Variants in CCDC180 observed in about 807,000 individuals in gnomAD.
CCDC180 encodes the protein coiled-coil domain-containing protein 180.
In CCDC180, 154 loss-of-function variants were observed where a neutral mutation model predicts 209.2. The ratio of observed to expected loss-of-function variants is 0.74; its 90% confidence interval spans 0.65 to 0.84. The LOEUF (loss-of-function observed/expected upper bound fraction) is 0.84, where lower values mean the gene tolerates loss of function less well. Among genes scored for constraint, CCDC180 ranks in the 40% least tolerant of loss-of-function variants. The pLI is 0.00. For synonymous variants in CCDC180, 778 were observed against 749.1 expected, an observed-to-expected ratio of 1.04 and a Z score of -0.63; for missense variants, 1,874 against 1,997.3, an observed-to-expected ratio of 0.94 and a Z score of 1.18.
intron 18 of CCDC180, among the ~76,000 whole-genome samples, chr9:97,340,469 G>T (rs1435623243): frequency 1.3e-5 from 2 of 152,170 alleles, no homozygotes; most frequent in Admixed American, 6.5e-5. Flanking sequence ...GCCAGATATG[G>T]ATCTTAGATA....
chr9:97,317,488 A>G (rs1239219018), intron 9 of CCDC180, among the ~76,000 whole-genome samples: 1 of 152,192 alleles, frequency 6.6e-6, no homozygotes, highest in Non-Finnish European at 1.5e-5. Flanking sequence ...ATGCAGTTTC[A>G]TATTTTATTC....
intron 22 of CCDC180, among the ~76,000 whole-genome samples, chr9:97,352,251 G>A (rs1386728158): frequency 3.3e-5 from 5 of 152,214 alleles, no homozygotes; most frequent in Non-Finnish European, 7.3e-5. Flanking sequence ...GGTGGTTGAA[G>A]CTTAAATAGC....
chr9:97,320,279 CA>C, intron 11 of CCDC180, 74 bp downstream of exon 11: 4 of 1,346,258 alleles, frequency 3.0e-6, no homozygotes, highest in Non-Finnish European at 4.3e-6. Flanking sequence ...GAAGCTCAGC[CA>C]AATGAGTGGC....
chr9:97,330,440 A>G lies in CCDC180; in HGVS notation c.1947A>G (p.Ser649=). The G allele has an allele frequency of 6.2e-7, 1 of 1,614,222 alleles. No individual in the cohort carries two copies. Among genetic ancestry groups the G allele is most frequent in the Non-Finnish European group, 8.5e-7 (1 of 1,180,040 alleles). Residue 649 remains serine, a synonymous_variant, in exon 18 of 37, where the codon TCA becomes TCG. Coordinates refer to ENST00000529487, the MANE Select transcript of CCDC180 (RefSeq NM_020893.6). ...SISSGTSTAR[S]VEEVEEENDQ... ...GTAGTGGGACAAGTACTGCCAGGTCAGTAGAAGAGGTGGAAGAAGAAAACG... is the reference window on the plus strand; with the variant it reads ...GTAGTGGGACAAGTACTGCCAGGTCGGTAGAAGAGGTGGAAGAAGAAAACG...
intron 34 of CCDC180, chr9:97,372,243 A>C (rs1050030317): frequency 6.6e-6 from 1 of 152,314 alleles, no homozygotes; most frequent in African/African-American, 2.4e-5. Flanking sequence ...ATGAAAAATG[A>C]AAATCTAAGC....
chr9:97,320,178 T>C lies in CCDC180; in HGVS notation c.1132T>C (p.Ser378Pro), dbSNP rs1237363115. The part of the protein sequence containing the change: ...SKTQLTEWHS[S>P]LNSLNKELDT... ...AACTCAGCTGACTGAGTGGCATTCT[T>C]CCCTCAACTCCCTGAACAAGGAGCT... Residue 378 changes from serine to proline, a missense_variant, in exon 11 of 37, where the codon TCC (serine) becomes CCC (proline). Ser to Pro is a moderately conservative substitution (Grantham distance 74). Coordinates refer to ENST00000529487, the MANE Select transcript of CCDC180 (RefSeq NM_020893.6). The C allele has an allele frequency of 1.9e-6, 3 of 1,614,038 alleles. 1 individual carries two copies. In the African/African-American group the frequency reaches 4.0e-5, roughly 22 times the overall value.
rs77093783 is a variant in CCDC180 at position 97,362,576 on chromosome 9, G to A, written c.3902+135G>A. ...TCATGGCTCTGGGACTCCACGGGGC[G>A]CAGTGAGGGGTGAGCGCCATCCTTA... On this transcript the variant is annotated intron_variant, in intron 28 of 36. Transcript: ENST00000529487. 821 of 1,287,684 alleles carry A rather than the reference G, an allele frequency of 6.4e-4. 3 individuals carry two copies. In the African/African-American group the frequency reaches 9.5e-3, roughly 15 times the overall value. The allele number at this position is 1,287,684 out of a possible 1,614,324, so 79.8% of individuals were successfully genotyped here. A position where few individuals can be genotyped will look rare whatever the true frequency, so the allele number is the denominator to read the frequency against.
rs771082608 is a variant in CCDC180, at chr9:97,314,910, G to A, written c.759G>A (p.Arg253=). 3 of 1,614,002 alleles carry A rather than the reference G, an allele frequency of 1.9e-6. No homozygotes were observed. The highest frequency in any genetic ancestry group is 2.5e-6 in the Non-Finnish European group (3 of 1,179,988). The change falls in exon 8 of 37, where the codon CGG becomes CGA. Residue 253 remains arginine (R), a synonymous_variant. Coordinates refer to ENST00000529487, the MANE Select transcript of CCDC180 (RefSeq NM_020893.6). ...TAGAGAAAACTTCCTACCTCATGCG[G>A]CCCGAAGTGTACAGGCTGATAAATG... ...EVIEKTSYLM[R]PEVYRLINEE...
chr9:97,369,240 A>T (rs577551668), intron 31 of CCDC180: 2 of 152,308 alleles, frequency 1.3e-5, no homozygotes, highest in Admixed American at 1.3e-4. Flanking sequence ...ATGAAAGAGC[A>T]GGTCTAACAT....
At chr9:97,371,952 A>G (rs1346504003) in intron 34 of CCDC180, 9 of 299,478 alleles carry the variant, frequency 3.0e-5, no homozygotes, top group Non-Finnish European at 4.9e-5. Context: ...GGTTAGGGAT[A>G]CCTTTTCTAA....
At chr9:97,356,828 G>A (rs1003004706) in intron 24 of CCDC180, among the ~76,000 whole-genome samples, 1 of 152,230 alleles carries the variant, frequency 6.6e-6, no homozygotes, top group African/African-American at 2.4e-5. Context: ...AAAACAGAGA[G>A]TAAACCATAA....
chr9:97,308,447 G>A lies in CCDC180; in HGVS notation c.69+315G>A, dbSNP rs537321285. Reference sequence around the variant, plus strand: ...GACTAATTTTTGTATTTAAAAAATAGGTTTCATTCTGTACTAGTGTTTTGA... The same window carrying A: ...GACTAATTTTTGTATTTAAAAAATAAGTTTCATTCTGTACTAGTGTTTTGA... On this transcript the variant is annotated intron_variant, in intron 2 of 36. Transcript: ENST00000529487. 4.4e-4 allele frequency among the ~76,000 whole-genome samples: 67 copies of A among 152,214 alleles called. No homozygotes were observed. The South Asian group carries it at 0.013, about 31-fold the overall frequency.
At chr9:97,336,113 T>A (rs1245266747) in intron 18 of CCDC180, among the ~76,000 whole-genome samples, 1 of 152,238 alleles carries the variant, frequency 6.6e-6, no homozygotes, top group African/African-American at 2.4e-5. Context: ...AAAAATTTTC[T>A]CCCATTCTGT....
intron 18 of CCDC180, among the ~76,000 whole-genome samples, chr9:97,342,778 T>C (rs1439726615): frequency 3.3e-5 from 5 of 152,360 alleles, no homozygotes; most frequent in Admixed American, 3.3e-4. Flanking sequence ...TTTCCTATTC[T>C]CAAAAGCTCC....
chr9:97,316,519 G>A (rs1037133572), intron 8 of CCDC180, among the ~76,000 whole-genome samples: 1 of 152,168 alleles, frequency 6.6e-6, no homozygotes, highest in Non-Finnish European at 1.5e-5. Flanking sequence ...TCTAAGCAGG[G>A]GCAAGTATGC....
At chr9:97,371,988 A>G (rs938162798) in intron 34 of CCDC180, 4 of 243,246 alleles carry the variant, frequency 1.6e-5, no homozygotes, top group South Asian at 1.6e-4. Context: ...TAGAAGCCAT[A>G]GAGGGAATGG....
intron 27 of CCDC180, 105 bp from the exon 28 acceptor site, chr9:97,362,091 T>C (rs1826771537): frequency 1.4e-6 from 2 of 1,478,382 alleles, no homozygotes; most frequent in Non-Finnish European, 1.8e-6. Context: ...GTGACAGGAC[T>C]GACTGACGTG....
intron 14 of CCDC180, among the ~76,000 whole-genome samples, chr9:97,326,200 A>G (rs935811774): frequency 1.3e-5 from 2 of 152,162 alleles, no homozygotes; most frequent in African/African-American, 2.4e-5. Context: ...GAACAAACTC[A>G]GCTTCTGATT....
chr9:97,362,168 G>A (rs1174839244), intron 27 of CCDC180, 28 bp from the exon 28 acceptor site: 1 of 1,597,762 alleles, frequency 6.3e-7, no homozygotes, highest in Non-Finnish European at 8.5e-7. Context: ...CACCGGAGAA[G>A]AGCTCACACC....
Sources: allele counts gnomAD v4.1 joint callset (sites outside exome capture counted in the v4.1 genomes callset), GRCh38; gene constraint gnomAD v4.1.1; transcripts MANE v1.5; gene names NCBI Gene and HGNC (gene_info 2026-07-23, HGNC 2026-07-21).